ZFHX3: variants seen among roughly 807,000 people sequenced by gnomAD.
ZFHX3 encodes zinc finger homeobox 3.
Under a neutral mutation model 279.1 loss-of-function variants are expected in ZFHX3, and 42 were observed. The observed-to-expected ratio is 0.15, with a 90% CI of 0.12 to 0.19. The LOEUF is 0.19. Ranked by LOEUF, ZFHX3 falls within the 10% of genes least tolerant of loss-of-function variation. ZFHX3 has a pLI of 1.00. For synonymous variants in ZFHX3, 2,293 were observed against 1,957.8 expected (o/e 1.17, Z -4.52); for missense variants, 4,981 against 4,754.0 (o/e 1.05, Z -1.40).
intron 3 of ZFHX3, among the ~76,000 whole-genome samples, chr16:73,390,272 A>T (rs1412619590): frequency 6.6e-6 from 1 of 152,028 alleles, no homozygotes; most frequent in African/African-American, 2.4e-5. Flanking sequence ...TACTGTGAAG[A>T]TATCAGGTGC....
At chr16:73,450,007 C>T (rs887296435) in intron 3 of ZFHX3, among the ~76,000 whole-genome samples, 2 of 152,076 alleles carry the variant, frequency 1.3e-5, no homozygotes, top group African/African-American at 4.8e-5. Context: ...TCATGCATAA[C>T]CCTATTTTAA....
intron 3 of ZFHX3, among the ~76,000 whole-genome samples, chr16:73,424,471 T>C (rs1375873157): frequency 6.6e-6 from 1 of 152,118 alleles, no homozygotes; most frequent in Non-Finnish European, 1.5e-5. Context: ...CTCAACAATC[T>C]GGGCTACTGA....
chr16:72,979,010 A>G (rs549690694), intron 1 of ZFHX3, among the ~76,000 whole-genome samples: 121 of 152,296 alleles, frequency 7.9e-4, no homozygotes, highest in African/African-American at 2.5e-3. Context: ...AAAGGAGAGA[A>G]CCAGTTGGTA....
chr16:73,619,500 T>TTA (rs1555528593), intron 2 of ZFHX3, among the ~76,000 whole-genome samples: 1,963 of 131,686 alleles, frequency 0.015, 61 homozygotes, highest in African/African-American at 0.047. Flanking sequence ...AAAAAAAAAA[T>TTA]TATATATATA....
intron 2 of ZFHX3, chr16:73,554,393 C>T (rs1316602969): frequency 6.6e-6 from 1 of 152,072 alleles, no homozygotes; most frequent in Non-Finnish European, 1.5e-5. Flanking sequence ...TTTGCATTCT[C>T]CAAGTTAGTG....
chr16:73,373,151 G>C (rs963056799), intron 3 of ZFHX3, among the ~76,000 whole-genome samples: 1 of 147,296 alleles, frequency 6.8e-6, no homozygotes, highest in African/African-American at 2.5e-5. Context: ...TTGGGGGGGG[G>C]GTGGTTCCAA....
intron 1 of ZFHX3, among the ~76,000 whole-genome samples, chr16:73,703,890 C>A (rs1258043810): frequency 6.6e-6 from 1 of 152,094 alleles, no homozygotes; most frequent in East Asian, 1.9e-4. Context: ...GAATAAAAAG[C>A]AAGGTGAAAG....
chr16:73,521,788 T>G (rs933253653), intron 2 of ZFHX3, among the ~76,000 whole-genome samples: 8 of 152,202 alleles, frequency 5.3e-5, no homozygotes, highest in African/African-American at 1.7e-4. Flanking sequence ...GGAACTCTGA[T>G]CAAAATGGCA....
intron 5 of ZFHX3, among the ~76,000 whole-genome samples, chr16:73,244,512 A>G (rs939507084): frequency 2.0e-5 from 3 of 152,242 alleles, no homozygotes; most frequent in African/African-American, 7.2e-5. Context: ...CATAACAGTC[A>G]AGGAAAGAGA....
At chr16:73,803,704 G>C (rs1372030046) in intron 1 of ZFHX3, among the ~76,000 whole-genome samples, 1 of 152,154 alleles carries the variant, frequency 6.6e-6, no homozygotes, top group African/African-American at 2.4e-5. Context: ...TTACTAAAAA[G>C]AACAAGACTT....
intron 1 of ZFHX3, among the ~76,000 whole-genome samples, chr16:73,697,311 G>T (rs2053206649): frequency 1.3e-5 from 2 of 151,890 alleles, no homozygotes; most frequent in East Asian, 3.9e-4. Flanking sequence ...ATTTAGAATG[G>T]ACAAAGTTTT....
chr16:72,788,624 G>A lies in ZFHX3; in HGVS notation c.9652C>T (p.Pro3218Ser), dbSNP rs758029895. ...QQPPPPPAAQ[P>S]PPTPQLPLQQ... ...AGTGGGAGCTGTGGTGTGGGTGGCG[G>A]CTGGGCTGCTGGCGGCGGGGGAGGC... is the stretch of plus-strand genomic sequence containing the variant. Residue 3218 changes from proline to serine, a missense_variant, in exon 10 of 10, where the codon CCG becomes TCG. This residue lies in a region of ZFHX3 where 1,034 missense variants were observed against 786.0 expected (regional missense o/e 1.32). Coordinates refer to ENST00000268489, the MANE Select transcript of ZFHX3 (RefSeq NM_006885.4). 6.2e-7 allele frequency: 1 copy of A among 1,613,284 alleles called. No individual in the cohort carries two copies. The highest frequency in any genetic ancestry group is 8.5e-7 in the Non-Finnish European group (1 of 1,179,640).
intron 1 of ZFHX3, among the ~76,000 whole-genome samples, chr16:73,878,146 T>C (rs2030014462): frequency 6.6e-6 from 1 of 152,088 alleles, no homozygotes; most frequent in South Asian, 2.1e-4. Flanking sequence ...GGCACCTTTT[T>C]CTAACATCAA....
chr16:73,602,909 G>A (rs1296709220), intron 2 of ZFHX3, among the ~76,000 whole-genome samples: 1 of 146,866 alleles, frequency 6.8e-6, no homozygotes, highest in African/African-American at 2.5e-5. Context: ...TTGCACTCCA[G>A]CCTGGGTGAA....
chr16:73,380,842 A>G, intron 3 of ZFHX3, among the ~76,000 whole-genome samples: 1 of 152,116 alleles, frequency 6.6e-6, no homozygotes, highest in East Asian at 1.9e-4. Context: ...CCATCTCTAC[A>G]AGAGGAACTT....
At chr16:73,328,388 T>C (rs915857256) in intron 3 of ZFHX3, among the ~76,000 whole-genome samples, 4 of 152,216 alleles carry the variant, frequency 2.6e-5, no homozygotes, top group African/African-American at 4.8e-5. Flanking sequence ...CTTGACCAGA[T>C]TGCATTCCAC....
rs960330110 is a variant in ZFHX3, at chr16:72,819,127, T to G, written c.3530-7089A>C. Among the ~76,000 whole-genome samples, 4 of 152,316 alleles carry G rather than the reference T, an allele frequency of 2.6e-5. 1 individual carries two copies. ...AGCATAGAGAGGACCCATGTACACT[T>G]CACCCAGGTGTTACTTATTAAGCAG... On this transcript the variant is annotated intron_variant, in intron 5 of 9. Coordinates refer to ENST00000268489, the MANE Select transcript of ZFHX3 (RefSeq NM_006885.4).
rs530533785 is a variant in ZFHX3, at chr16:72,784,258, A to C, written c.*2906T>G. ...GATGGCATAGTAGCTCCATGAAAAA[A>C]AAAAACAAAAACAAAAACAAAAACC... On this transcript the variant is annotated 3_prime_UTR_variant, in exon 10 of 10. Transcript: ENST00000268489. 194 of 152,234 alleles carry C rather than the reference A, an allele frequency of 1.3e-3. 1 individual carries two copies. Among genetic ancestry groups the C allele is most frequent in the East Asian group, 6.4e-3 (33 of 5,188 alleles). The allele number at this position is 152,234 out of a possible 1,614,324, so 9.4% of individuals were successfully genotyped here.
intron 2 of ZFHX3, among the ~76,000 whole-genome samples, chr16:73,575,155 C>G (rs915619616): frequency 1.3e-5 from 2 of 152,144 alleles, no homozygotes; most frequent in Admixed American, 1.3e-4. Context: ...CCTACCCACC[C>G]CATAACATAT....
Sources: allele counts gnomAD v4.1 joint callset (sites outside exome capture counted in the v4.1 genomes callset), GRCh38; gene constraint gnomAD v4.1.1; regional missense constraint gnomAD v4.1.1; transcripts MANE v1.5; gene names NCBI Gene and HGNC (gene_info 2026-07-23, HGNC 2026-07-21).